The following PABPC1L variants were observed in gnomAD, a reference collection of about 807,000 sequenced individuals.
The protein encoded by PABPC1L is poly(A) binding protein cytoplasmic 1 like.
In PABPC1L, 31 loss-of-function variants were observed where a neutral mutation model predicts 66.6. That is an observed-to-expected ratio of 0.47 (90% CI 0.35 to 0.63). PABPC1L has a LOEUF of 0.63. PABPC1L is among the 20% of genes least tolerant of loss of function. The pLI is 0.00. For missense variants in PABPC1L, 722 were observed against 848.8 expected (o/e 0.85, Z 1.86); for synonymous variants, 348 against 335.1 (o/e 1.04, Z -0.42).
At chr20:44,913,032 A>G (rs1347965482) in intron 2 of PABPC1L, among the ~76,000 whole-genome samples, 179 bp downstream of exon 2, 1 of 152,200 alleles carries the variant, frequency 6.6e-6, no homozygotes, top group Non-Finnish European at 1.5e-5. Flanking sequence ...ATGACCAGAC[A>G]TTACCTGTGT....
chr20:44,916,274 T>C (rs2066737089), intron 2 of PABPC1L, among the ~76,000 whole-genome samples: 1 of 152,202 alleles, frequency 6.6e-6, no homozygotes, highest in Non-Finnish European at 1.5e-5. Flanking sequence ...TTTTTTCTTT[T>C]CTGTTTTTAT....
At chr20:44,925,763 G>A (rs1355980494) in intron 7 of PABPC1L, among the ~76,000 whole-genome samples, 1 of 152,204 alleles carries the variant, frequency 6.6e-6, no homozygotes, top group African/African-American at 2.4e-5. Flanking sequence ...TTAGGCATCA[G>A]TAAATTTGAT....
chr20:44,925,488 C>T (rs890159640), intron 7 of PABPC1L, among the ~76,000 whole-genome samples: 2 of 152,118 alleles, frequency 1.3e-5, no homozygotes, highest in African/African-American at 2.4e-5. Context: ...GCAGTAGCAG[C>T]AGTGTTTGAC....
intron 2 of PABPC1L, among the ~76,000 whole-genome samples, chr20:44,916,484 G>C (rs2066738446): frequency 6.6e-6 from 1 of 152,170 alleles, no homozygotes; most frequent in Non-Finnish European, 1.5e-5. Context: ...ATGTTGTCCA[G>C]GCTGGTCTCG....
rs2664567 is a variant in PABPC1L, at chr20:44,932,892, G to A, written c.1331-165G>A. ...GTAGATTCCTACACTCCCCCTTTCT[G>A]GAGTTCTGGGTCTAAGTGAATTGAC... On this transcript the variant is annotated intron_variant, in intron 9 of 14. Coordinates refer to ENST00000217073, the MANE Select transcript of PABPC1L (RefSeq NM_001372179.1). 54,726 of 594,262 alleles carry A rather than the reference G, an allele frequency of 0.092. 2,722 individuals are homozygous for A. Among genetic ancestry groups the A allele is most frequent in the East Asian group, 0.14 (5,024 of 35,740 alleles). The allele number at this position is 594,262 out of a possible 1,614,324, so 36.8% of individuals were successfully genotyped here.
Position 44,918,955 on chromosome 20 carries a change from G to T in PABPC1L, c.553G>T (p.Ala185Ser), listed in dbSNP as rs770086526. Residue 185 changes from alanine to serine, a missense_variant, in exon 4 of 15, where the codon GCG becomes TCG. Around this residue, in one of 3 missense-constraint regions of PABPC1L, gnomAD observed 284 missense variants for 294.8 expected, o/e 0.96. Coordinates refer to ENST00000217073, the MANE Select transcript of PABPC1L (RefSeq NM_001372179.1). ...SRREREAELG[A>S]RALEFTNIYV... Reference sequence around the variant, plus strand: ...ACGGGAGCGGGAGGCGGAGCTGGGGGCGCGGGCCCTGGAGTTCACCAACAT... The same window carrying T: ...ACGGGAGCGGGAGGCGGAGCTGGGGTCGCGGGCCCTGGAGTTCACCAACAT... 2.5e-5 allele frequency: 41 copies of T among 1,612,358 alleles called. 1 individual carries two copies. The highest frequency in any genetic ancestry group is 1.6e-4 in the Middle Eastern group (1 of 6,080).
chr20:44,918,932 G>A lies in PABPC1L; in HGVS notation c.530G>A (p.Arg177Gln), dbSNP rs1003704755. Residue 177 changes from arginine (R) to glutamine (Q), a missense_variant, in exon 4 of 15, where the codon CGG becomes CAG. Arg to Gln is a conservative substitution (Grantham distance 43). Around this residue, in one of 3 missense-constraint regions of PABPC1L, gnomAD observed 284 missense variants for 294.8 expected, o/e 0.96. Coordinates refer to ENST00000217073, the MANE Select transcript of PABPC1L (RefSeq NM_001372179.1). ...KVFVGHFKSRREREAELGARA... is the reference protein window; with the variant it reads ...KVFVGHFKSRQEREAELGARA... ...TTTGTGGGTCACTTCAAGTCTCGAC[G>A]GGAGCGGGAGGCGGAGCTGGGGGCG... is the stretch of plus-strand genomic sequence containing the variant. 3.1e-6 allele frequency: 5 copies of A among 1,605,736 alleles called. No individual in the cohort carries two copies. Among genetic ancestry groups the A allele is most frequent in the Middle Eastern group, 1.7e-4 (1 of 6,002 alleles).
Position 44,927,277 on chromosome 20 carries a change from G to T in PABPC1L, c.972+3021G>T, listed in dbSNP as rs2066816412. 1.3e-5 allele frequency among the ~76,000 whole-genome samples: 2 copies of T among 152,164 alleles called. 1 individual carries two copies. The highest frequency in any genetic ancestry group is 2.9e-5 in the Non-Finnish European group (2 of 68,020). Reference sequence around the variant, plus strand: ...CACTATCAAGTTCATGGTAAGCTCTGCATAAGTGTTAGCTTTGCTAAATTT... The same window carrying T: ...CACTATCAAGTTCATGGTAAGCTCTTCATAAGTGTTAGCTTTGCTAAATTT... On this transcript the variant is annotated intron_variant, in intron 7 of 14. Transcript: ENST00000217073.
rs569707809 is a variant in PABPC1L at position 44,933,281 on chromosome 20, C to T, written c.1459+96C>T. 1.0e-4 allele frequency: 108 copies of T among 1,034,050 alleles called. 1 individual carries two copies. In the South Asian group the frequency reaches 1.2e-3, roughly 12 times the overall value. The allele number at this position is 1,034,050 out of a possible 1,614,324, so 64.1% of individuals were successfully genotyped here. ...ATGGTGACCTTGCCATATGCCCTCT[C>T]GGTGAGCAAAGCTGACTTTGGAGAC... is the stretch of plus-strand genomic sequence containing the variant. On this transcript the variant is annotated intron_variant, in intron 10 of 14. Transcript: ENST00000217073.
At position 44,921,641 on chromosome 20, in the gene PABPC1L, C is replaced by T. The variant is rs758644455; in HGVS notation, c.786C>T (p.Tyr262=). The change falls in exon 6 of 15, where the codon TAC becomes TAT. Residue 262 remains tyrosine, a synonymous_variant. Coordinates refer to ENST00000217073, the MANE Select transcript of PABPC1L (RefSeq NM_001372179.1). ...NGKEVSGRLL[Y]AGRAQKRVER... is the part of the protein sequence containing the mutation. ...AGGAGGTGAGCGGGCGGCTGCTGTACGCGGGCCGGGCCCAAAAGCGCGTGG... is the reference window on the plus strand; with the variant it reads ...AGGAGGTGAGCGGGCGGCTGCTGTATGCGGGCCGGGCCCAAAAGCGCGTGG... The T allele has an allele frequency of 9.3e-6, 15 of 1,613,900 alleles. No homozygotes were observed. The highest frequency in any genetic ancestry group is 3.3e-5 in the Admixed American group (2 of 59,966).
chr20:44,932,884 C>A, intron 9 of PABPC1L, 173 bp from the exon 10 acceptor site: 1 of 592,766 alleles, frequency 1.7e-6, no homozygotes, highest in South Asian at 2.0e-5. Flanking sequence ...CCTACACTCC[C>A]CCTTTCTGGA....
At chr20:44,936,803 C>A in intron 12 of PABPC1L, 73 bp downstream of exon 12, 1 of 1,444,926 alleles carries the variant, frequency 6.9e-7, no homozygotes, top group Non-Finnish European at 9.5e-7. Context: ...TGGGAAACAC[C>A]TCACCTGGTG....
At chr20:44,913,175 T>A (rs368686485) in intron 2 of PABPC1L, among the ~76,000 whole-genome samples, 39 of 152,284 alleles carry the variant, frequency 2.6e-4, no homozygotes, top group Non-Finnish European at 5.1e-4. Flanking sequence ...TTGGCTGGGT[T>A]CCCTCCTATG....
chr20:44,926,285 G>A (rs1455446048), intron 7 of PABPC1L, among the ~76,000 whole-genome samples: 1 of 152,166 alleles, frequency 6.6e-6, no homozygotes, highest in East Asian at 1.9e-4. Flanking sequence ...AGAGTGCAGT[G>A]GCGCCATCTC....
chr20:44,938,238 A>G, intron 13 of PABPC1L, 47 bp downstream of exon 13: 9 of 1,594,734 alleles, frequency 5.6e-6, no homozygotes, highest in Non-Finnish European at 7.7e-6. Flanking sequence ...GCAGGAGGAG[A>G]GCTAACGACA....
At position 44,910,074 on chromosome 20, in the gene PABPC1L, C is replaced by T. The variant is rs1246143301; in HGVS notation, c.-70C>T. 4 of 1,375,944 alleles carry T rather than the reference C, an allele frequency of 2.9e-6. No individual in the cohort carries two copies. Among genetic ancestry groups the T allele is most frequent in the Non-Finnish European group, 3.9e-6 (4 of 1,021,480 alleles). 85.2% of individuals were successfully genotyped at this position (1,375,944 alleles called of 1,614,324 possible). ...CCGCGCCCAGGAAGGAGGGCTTCCG[C>T]CCGGGTGAGCGCGGGGCTGCTGGGT... On this transcript the variant is annotated 5_prime_UTR_variant, in exon 1 of 15. Transcript: ENST00000217073.
Position 44,938,202 on chromosome 20 carries a change from G to A in PABPC1L, c.1791+11G>A. ...TCCCTCCATGCCAAGGTAAGCAGGAGCCTGGGCAGCAGGGAGCCCGAGGGG... is the reference window on the plus strand; with the variant it reads ...TCCCTCCATGCCAAGGTAAGCAGGAACCTGGGCAGCAGGGAGCCCGAGGGG... On this transcript the variant is annotated intron_variant, in intron 13 of 14. Coordinates refer to ENST00000217073, the MANE Select transcript of PABPC1L (RefSeq NM_001372179.1). 4 of 1,612,596 alleles carry A rather than the reference G, an allele frequency of 2.5e-6. No homozygotes were observed. The highest frequency in any genetic ancestry group is 1.1e-5 in the South Asian group (1 of 91,008).
intron 9 of PABPC1L, 157 bp from the exon 10 acceptor site, chr20:44,932,900 G>T: frequency 1.7e-6 from 1 of 598,946 alleles, no homozygotes. Context: ...CTGGAGTTCT[G>T]GGTCTAAGTG....
chr20:44,914,150 G>A (rs1333620003), intron 2 of PABPC1L, among the ~76,000 whole-genome samples: 1 of 150,966 alleles, frequency 6.6e-6, no homozygotes, highest in Non-Finnish European at 1.5e-5. Context: ...AGCCTTTGGA[G>A]TGTCTGCTAT....
Sources: allele counts gnomAD v4.1 joint callset (sites outside exome capture counted in the v4.1 genomes callset), GRCh38; gene constraint gnomAD v4.1.1; regional missense constraint gnomAD v4.1.1; transcripts MANE v1.5; gene names NCBI Gene and HGNC (gene_info 2026-07-23, HGNC 2026-07-21).